Variants in CACNA1G observed in about 807,000 individuals in gnomAD.
CACNA1G encodes the protein calcium voltage-gated channel subunit alpha1 G, also known as voltage-dependent T-type calcium channel subunit alpha-1G.
Under a neutral mutation model 219.4 loss-of-function variants are expected in CACNA1G, and 67 were observed. The observed-to-expected ratio is 0.31, with a 90% confidence interval of 0.25 to 0.37. CACNA1G has a LOEUF of 0.37. Among genes scored for constraint, CACNA1G ranks in the 10% least tolerant of loss-of-function variants. CACNA1G has a pLI of 1.00. For synonymous variants in CACNA1G, 1,296 were observed against 1,345.3 expected, an observed-to-expected ratio of 0.96 and a Z score of 0.80; for missense variants, 2,380 against 3,231.4, an observed-to-expected ratio of 0.74 and a Z score of 6.39.
chr17:50,592,207 A>G, intron 13 of CACNA1G, 115 bp downstream of exon 13: 1 of 1,120,214 alleles, frequency 8.9e-7, no homozygotes, highest in Non-Finnish European at 1.3e-6. Flanking sequence ...GAAGTCCCAC[A>G]GGAAGAGCCT....
Position 50,617,453 on chromosome 17 carries a change from C to T in CACNA1G, c.5037C>T (p.Asp1679=). 6.2e-7 allele frequency: 1 copy of T among 1,613,716 alleles called. No individual in the cohort carries two copies. Among genetic ancestry groups the T allele is most frequent in the Admixed American group, 1.7e-5 (1 of 60,000 alleles). Residue 1679 remains aspartate, a synonymous_variant, in exon 29 of 38, where the codon GAC becomes GAT. Transcript: ENST00000359106. The surrounding 1 kb of genome is among the most constrained non-coding windows in gnomAD (Gnocchi z 5.8). Reference sequence around the variant, plus strand: ...GGCTTTCCAGGTGGAACCAGCTGGACCTGGCCATTGTGCTGCTGTCCATCA... The same window carrying T: ...GGCTTTCCAGGTGGAACCAGCTGGATCTGGCCATTGTGCTGCTGTCCATCA... ...RFFQDRWNQL[D]LAIVLLSIMG...
chr17:50,605,088 C>T (rs1020112025), intron 22 of CACNA1G, among the ~76,000 whole-genome samples: 4 of 152,162 alleles, frequency 2.6e-5, no homozygotes, highest in African/African-American at 9.7e-5. Flanking sequence ...CCTCTCTGTA[C>T]ACCCTCCCCA....
Position 50,599,845 on chromosome 17 carries a change from G to A in CACNA1G, c.3676G>A (p.Asp1226Asn). The A allele has an allele frequency of 6.2e-7, 1 of 1,607,290 alleles. No homozygotes were observed. Among genetic ancestry groups the A allele is most frequent in the Non-Finnish European group, 8.5e-7 (1 of 1,179,380 alleles). ...CCCACTGGATGGGGATGACGCCGAT[G>A]ACGAGGGCAACCTGGTGAGGCCCCT... ...DPPLDGDDAD[D>N]EGNLSKGERV... The change falls in exon 17 of 38, where the codon GAC becomes AAC. Residue 1226 changes from aspartate (D) to asparagine (N), a missense_variant. By Grantham distance (23) the Asp-to-Asn change is conservative. Coordinates refer to ENST00000359106, the MANE Select transcript of CACNA1G (RefSeq NM_018896.5).
Position 50,619,929 on chromosome 17 carries a change from A to G in CACNA1G, c.5925+103A>G, listed in dbSNP as rs115591219. 1,110 of 1,226,786 alleles carry G rather than the reference A, an allele frequency of 9.0e-4. 9 individuals carry two copies. The African/African-American group carries it at 0.015, about 16-fold the overall frequency. 76.0% of individuals were successfully genotyped at this position (1,226,786 alleles called of 1,614,324 possible). A position where few individuals can be genotyped will look rare whatever the true frequency, so the allele number is the denominator to read the frequency against. On this transcript the variant is annotated intron_variant, in intron 34 of 37. Transcript: ENST00000359106. ...CTGGGAGTGTTCCTGCCCACTGGGT[A>G]TCTGTAGAAAGTGCAGCCTTGGAGC...
Position 50,571,795 on chromosome 17 carries a change from C to G in CACNA1G, c.587-83C>G. Reference sequence around the variant, plus strand: ...CTCAGCCTCAGAGTCCCTGGTGGGGCCCCTCCGGGAGTGCTGCCGGGCCGT... The same window carrying G: ...CTCAGCCTCAGAGTCCCTGGTGGGGGCCCTCCGGGAGTGCTGCCGGGCCGT... On this transcript the variant is annotated intron_variant, in intron 4 of 37. Coordinates refer to ENST00000359106, the MANE Select transcript of CACNA1G (RefSeq NM_018896.5). The surrounding 1 kb of genome is among the most constrained non-coding windows in gnomAD (Gnocchi z 4.3). 1.4e-6 allele frequency: 2 copies of G among 1,481,434 alleles called. No homozygotes were observed. Among genetic ancestry groups the G allele is most frequent in the Non-Finnish European group, 1.9e-6 (2 of 1,074,610 alleles). The allele number at this position is 1,481,434 out of a possible 1,614,324, so 91.8% of individuals were successfully genotyped here.
chr17:50,596,422 C>T lies in CACNA1G; in HGVS notation c.2980-140C>T, dbSNP rs149471166. 688 of 701,770 alleles carry T rather than the reference C, an allele frequency of 9.8e-4. 3 individuals are homozygous for T. In the African/African-American group the frequency reaches 0.011, roughly 11 times the overall value. The allele number at this position is 701,770 out of a possible 1,614,324, so 43.5% of individuals were successfully genotyped here. A position where few individuals can be genotyped will look rare whatever the true frequency, so the allele number is the denominator to read the frequency against. ...CCCCAAGCCTGGGGGGTCTGGCCTGCGCCGTGCATGTCTCGTGCCGTGGTT... is the reference window on the plus strand; with the variant it reads ...CCCCAAGCCTGGGGGGTCTGGCCTGTGCCGTGCATGTCTCGTGCCGTGGTT... On this transcript the variant is annotated intron_variant, in intron 14 of 37. Transcript: ENST00000359106. This position sits in a 1 kb window ranked among gnomAD's most constrained non-coding sequence, Gnocchi z 4.8.
At chr17:50,563,055 G>C (rs1221438966) in intron 1 of CACNA1G, 1 of 152,348 alleles carries the variant, frequency 6.6e-6, no homozygotes, top group Non-Finnish European at 1.5e-5. Flanking sequence ...GGTCTCCCTT[G>C]TAGCCCCTGT....
Position 50,575,807 on chromosome 17 carries a change from G to A in CACNA1G, c.1405G>A (p.Ala469Thr). The change falls in exon 8 of 38, where the codon GCA becomes ACA. Residue 469 changes from alanine to threonine, a missense_variant. Physicochemically the swap from Ala to Thr is moderately conservative, Grantham distance 58. This residue lies in a region of CACNA1G where 434 missense variants were observed against 417.3 expected (regional missense o/e 1.04). Transcript: ENST00000359106. ...GCGGGTTGGGCTGCTCAGCAGCCCAGCACCCCTCGGGGGCCAGGAGACCCA... is the reference window on the plus strand; with the variant it reads ...GCGGGTTGGGCTGCTCAGCAGCCCAACACCCCTCGGGGGCCAGGAGACCCA... ...GVRVGLLSSP[A>T]PLGGQETQPS... The A allele has an allele frequency of 6.4e-7, 1 of 1,551,704 alleles. No individual in the cohort carries two copies. Among genetic ancestry groups the A allele is most frequent in the South Asian group, 1.2e-5 (1 of 84,184 alleles).
rs756068508 is a variant in CACNA1G at position 50,578,148 on chromosome 17, CG to C, written c.1925-39del. 1 of 1,507,180 alleles carries C rather than the reference CG, an allele frequency of 6.6e-7. No individual in the cohort carries two copies. The highest frequency in any genetic ancestry group is 8.8e-7 in the Non-Finnish European group (1 of 1,131,718). The allele number at this position is 1,507,180 out of a possible 1,614,324, so 93.4% of individuals were successfully genotyped here. On this transcript the variant is annotated intron_variant, in intron 8 of 37. Transcript: ENST00000359106. The surrounding 1 kb of genome is among the most constrained non-coding windows in gnomAD (Gnocchi z 4.5). ...TCACAGGGCAGGGTAGCCCCAGGTA[CG>C]AGACTCTGGAGCCTCTCACCTCTAC...
chr17:50,624,743 G>A (rs1014715100), intron 37 of CACNA1G, among the ~76,000 whole-genome samples: 3 of 152,236 alleles, frequency 2.0e-5, no homozygotes, highest in African/African-American at 7.2e-5. Flanking sequence ...GTTCCACTGA[G>A]GAGGCCTGGA....
chr17:50,600,583 A>G lies in CACNA1G; in HGVS notation c.3691-143A>G. 1.5e-6 allele frequency: 1 copy of G among 684,616 alleles called. No homozygotes were observed. Among genetic ancestry groups the G allele is most frequent in the Non-Finnish European group, 2.6e-6 (1 of 385,824 alleles). The allele number at this position is 684,616 out of a possible 1,614,324, so 42.4% of individuals were successfully genotyped here. ...GGGAGATGAGGAGGTGGCTTTAGGAATAAAGGAAGAGAGGCAGGGCAGAGC... is the reference window on the plus strand; with the variant it reads ...GGGAGATGAGGAGGTGGCTTTAGGAGTAAAGGAAGAGAGGCAGGGCAGAGC... On this transcript the variant is annotated intron_variant, in intron 17 of 37. Transcript: ENST00000359106. The surrounding 1 kb of genome is among the most constrained non-coding windows in gnomAD (Gnocchi z 4.1).
At chr17:50,594,853 C>A in intron 13 of CACNA1G, 140 bp from the exon 14 acceptor site, 3 of 630,080 alleles carry the variant, frequency 4.8e-6, no homozygotes, top group Admixed American at 2.3e-5. Context: ...CTCTGCCCCC[C>A]CATTCCCCGT....
chr17:50,611,257 A>G (rs1395111016), intron 26 of CACNA1G, among the ~76,000 whole-genome samples: 1 of 149,680 alleles, frequency 6.7e-6, no homozygotes, highest in Non-Finnish European at 1.5e-5. Context: ...CCATTTAAAA[A>G]AAAAAAAAAA....
At chr17:50,624,330 C>CCCCCCA in intron 36 of CACNA1G, 30 bp from the exon 37 acceptor site, 1 of 1,202,058 alleles carries the variant, frequency 8.3e-7, no homozygotes. Flanking sequence ...TCTCTCCCCC[C>CCCCCCA]ACCCCTCCCC....
In CACNA1G at chr17:50,607,955, G is replaced by A. The variant is rs111416042; in HGVS notation, c.4641G>A (p.Gln1547=). The change falls in exon 25 of 38, where the codon CAG becomes CAA. Residue 1547 remains glutamine (Q), a synonymous_variant. Coordinates refer to ENST00000359106, the MANE Select transcript of CACNA1G (RefSeq NM_018896.5). ...VENFHKCRQH[Q]EEEEARRREE... is the part of the protein sequence containing the mutation. ...ACTTCCACAAGTGTCGGCAGCACCA[G>A]GAGGAAGAGGAGGCCCGGCGGCGGG... 42 of 1,613,814 alleles carry A rather than the reference G, an allele frequency of 2.6e-5. No individual in the cohort carries two copies. Among genetic ancestry groups the A allele is most frequent in the Non-Finnish European group, 3.5e-5 (41 of 1,179,840 alleles).
In CACNA1G at chr17:50,571,471, G is replaced by A. The variant is rs541147039; in HGVS notation, c.587-407G>A. Among the ~76,000 whole-genome samples, 26 of 152,296 alleles carry A rather than the reference G, an allele frequency of 1.7e-4. No homozygotes were observed. The highest frequency in any genetic ancestry group is 6.0e-4 in the African/African-American group (25 of 41,536). ...GTGTGTGTTGGAGAGGGATTCGGAA[G>A]CCAAAGCCTGGGTTCGAGTTCCGGC... On this transcript the variant is annotated intron_variant, in intron 4 of 37. Transcript: ENST00000359106. This position sits in a 1 kb window ranked among gnomAD's most constrained non-coding sequence, Gnocchi z 4.3.
chr17:50,596,696 TGG>T lies in CACNA1G; in HGVS notation c.3065-33_3065-32del. 1.2e-6 allele frequency: 2 copies of T among 1,613,566 alleles called. No homozygotes were observed. Among genetic ancestry groups the T allele is most frequent in the Non-Finnish European group, 1.7e-6 (2 of 1,179,638 alleles). ...CTTTTGGCCCTGGGCCAGCCCTGTG[TGG>T]ACTCGGGATCTCTCCCTCTCTCCCC... On this transcript the variant is annotated intron_variant, in intron 15 of 37. Transcript: ENST00000359106. The surrounding 1 kb of genome is among the most constrained non-coding windows in gnomAD (Gnocchi z 4.8).
intron 35 of CACNA1G, among the ~76,000 whole-genome samples, chr17:50,622,562 G>A (rs2052427783): frequency 6.6e-6 from 1 of 152,030 alleles, no homozygotes; most frequent in Non-Finnish European, 1.5e-5. Context: ...AGCAAAATAA[G>A]ATTGTCCTCC....
At chr17:50,598,293 T>C (rs897227343) in intron 16 of CACNA1G, among the ~76,000 whole-genome samples, 1 of 152,248 alleles carries the variant, frequency 6.6e-6, no homozygotes, top group Non-Finnish European at 1.5e-5. Context: ...CCTCCCAAAG[T>C]GCTGGGATTA....
Sources: gnomAD v4.1 joint callset for allele counts (sites outside exome capture counted in the v4.1 genomes callset) on GRCh38, gnomAD v4.1.1 for gene constraint, gnomAD v4.1.1 regional missense constraint, Gnocchi (gnomAD v3.1) non-coding constraint, MANE v1.5 for transcripts, NCBI Gene and HGNC (gene_info 2026-07-23, HGNC 2026-07-21) for gene names.